NSMF: variants seen among roughly 807,000 people sequenced by gnomAD.
The protein encoded by NSMF is NMDA receptor synaptonuclear signaling and neuronal migration factor.
In NSMF, 31 loss-of-function variants were observed where a neutral mutation model predicts 71.0. The ratio of observed to expected loss-of-function variants is 0.44; its 90% CI spans 0.33 to 0.59. NSMF has a LOEUF of 0.59. Ranked by LOEUF, NSMF falls within the 20% of genes least tolerant of loss-of-function variation. NSMF has a pLI of 0.04. For synonymous variants in NSMF, 345 were observed against 287.1 expected (o/e 1.20, Z -2.04); for missense variants, 673 against 740.5 (o/e 0.91, Z 1.06).
rs564463059 is a variant in NSMF, at chr9:137,454,453, G to C, written c.780-10C>G. 1 of 1,550,188 alleles carries C rather than the reference G, an allele frequency of 6.5e-7. No homozygotes were observed. On this transcript the variant is annotated splice_polypyrimidine_tract_variant and intron_variant, in intron 6 of 15. Transcript: ENST00000371475. ...GTGTTTGCGGAAGTTCCTGGGGGAGGAAGCCAGGGGCTGAAGAGGGCCGTG... is the reference window on the plus strand; with the variant it reads ...GTGTTTGCGGAAGTTCCTGGGGGAGCAAGCCAGGGGCTGAAGAGGGCCGTG...
At position 137,453,506 on chromosome 9, in the gene NSMF, G is replaced by A. The variant is rs1231774832; in HGVS notation, c.922+225C>T. On this transcript the variant is annotated intron_variant, in intron 8 of 15. Transcript: ENST00000371475. This position sits in a 1 kb window ranked among gnomAD's most constrained non-coding sequence, Gnocchi z 4.5. Reference sequence around the variant, plus strand: ...CCCTGAGGGCCTCTTGCGAGTGGCGGTGGGCACGGCCCTACAGGCGCCCCC... The same window carrying A: ...CCCTGAGGGCCTCTTGCGAGTGGCGATGGGCACGGCCCTACAGGCGCCCCC... 28 of 599,808 alleles carry A rather than the reference G, an allele frequency of 4.7e-5. 1 individual carries two copies. Among genetic ancestry groups the A allele is most frequent in the South Asian group, 4.2e-4 (21 of 49,862 alleles). The allele number at this position is 599,808 out of a possible 1,614,324, so 37.2% of individuals were successfully genotyped here.
intron 2 of NSMF, among the ~76,000 whole-genome samples, 196 bp from the exon 3 acceptor site, chr9:137,458,097 G>A (rs924582741): frequency 1.3e-5 from 2 of 152,212 alleles, no homozygotes; most frequent in African/African-American, 4.8e-5. Flanking sequence ...TGTGCGTGGG[G>A]GCTGGGTGAC....
intron 5 of NSMF, 144 bp from the exon 6 acceptor site, chr9:137,455,451 G>C: frequency 1.7e-6 from 2 of 1,146,476 alleles, no homozygotes; most frequent in South Asian, 2.6e-5. Context: ...CTCACCTGTC[G>C]AGGCCCAGCT....
chr9:137,458,910 A>G, intron 1 of NSMF, 122 bp downstream of exon 1: 1 of 724,526 alleles, frequency 1.4e-6, no homozygotes, highest in South Asian at 2.6e-5. Context: ...GGGCGCGGGG[A>G]GGGCGCCTCA....
In NSMF at chr9:137,455,321, G is replaced by GC. The variant is rs1830777947; in HGVS notation, c.711-15dup. On this transcript the variant is annotated splice_polypyrimidine_tract_variant and intron_variant, in intron 5 of 15. Transcript: ENST00000371475. ...CCCCTGAACACCCTGGGAAACCACC[G>GC]CGAGTCAGCACTGCCCTTGGCCGGA... The GC allele has an allele frequency of 1.9e-6, 3 of 1,612,386 alleles. No homozygotes were observed. Among genetic ancestry groups the GC allele is most frequent in the African/African-American group, 2.7e-5 (2 of 74,932 alleles).
At chr9:137,453,000 G>A in intron 9 of NSMF, 56 bp downstream of exon 9, 18 of 1,608,518 alleles carry the variant, frequency 1.1e-5, no homozygotes, top group Non-Finnish European at 1.5e-5. Flanking sequence ...CTGGACTCGG[G>A]TTGGGGCGGA....
At chr9:137,449,515 C>T (rs758254401) in intron 15 of NSMF, 24 bp from the exon 16 acceptor site, 1 of 1,611,950 alleles carries the variant, frequency 6.2e-7, no homozygotes, top group Non-Finnish European at 8.5e-7. Context: ...GGGCAGGAGG[C>T]TCAGGCCTGG....
chr9:137,454,691 C>G (rs1200754601), intron 6 of NSMF: 9 of 1,520,124 alleles, frequency 5.9e-6, no homozygotes, highest in Middle Eastern at 3.4e-4. Context: ...TGGATCAAGT[C>G]TCCTCCCGAG....
chr9:137,458,613 C>T, intron 1 of NSMF, 64 bp from the exon 2 acceptor site: 1 of 1,475,562 alleles, frequency 6.8e-7, no homozygotes, highest in Non-Finnish European at 9.2e-7. Context: ...CCGGGCCGCG[C>T]AAGAGCCGGG....
intron 12 of NSMF, among the ~76,000 whole-genome samples, chr9:137,451,135 ACACGCCTCTTCCCCTTGTTCTGCCCTC>A (rs1830501414): frequency 4.8e-5 from 1 of 21,050 alleles, no homozygotes; most frequent in Middle Eastern, 0.02. Context: ...CTCCCGCGCC[ACACGCCTCTTCCCCTTGTTCTGCCCTC>A]CACGCCTCTT....
chr9:137,452,692 C>T (rs367942683), intron 10 of NSMF, 44 bp downstream of exon 10: 46 of 1,600,770 alleles, frequency 2.9e-5, no homozygotes, highest in Middle Eastern at 1.7e-4. Context: ...AGGGTGGGGC[C>T]GCAAGAGGGC....
In NSMF at chr9:137,452,833, G is replaced by T; in HGVS notation, c.1048-14C>A. ...GGAGGAAATGAGCTGCGGAGACAAA[G>T]AGCTGCTCAGGGGCCCCAGGCCCAT... On this transcript the variant is annotated splice_polypyrimidine_tract_variant and intron_variant, in intron 9 of 15. Coordinates refer to ENST00000371475, the MANE Select transcript of NSMF (RefSeq NM_001130969.3). 6.3e-7 allele frequency: 1 copy of T among 1,592,324 alleles called. No homozygotes were observed. The highest frequency in any genetic ancestry group is 8.5e-7 in the Non-Finnish European group (1 of 1,170,710).
Position 137,455,621 on chromosome 9 carries a change from G to A in NSMF, c.710+8C>T. On this transcript the variant is annotated splice_region_variant and intron_variant, in intron 5 of 15. Transcript: ENST00000371475. ...TGCCCTTAGGCACCAAGTCATACAG[G>A]TACTTACGAGATGCTGAAGCCAGGG... 2 of 1,550,352 alleles carry A rather than the reference G, an allele frequency of 1.3e-6. No homozygotes were observed. The highest frequency in any genetic ancestry group is 1.2e-5 in the South Asian group (1 of 84,068).
At position 137,457,819 on chromosome 9, in the gene NSMF, G is replaced by A; in HGVS notation, c.216C>T (p.Ser72=). Residue 72 remains serine (S), a synonymous_variant, in exon 3 of 16, where the codon TCC becomes TCT. Transcript: ENST00000371475. Reference sequence around the variant, plus strand: ...CCTCGTAGCAGCCGTTGGAGACGAGGGACAGGCGGCGCTTGTTCTGGGGGG... The same window carrying A: ...CCTCGTAGCAGCCGTTGGAGACGAGAGACAGGCGGCGCTTGTTCTGGGGGG... ...QPAPQNKRRL[S]LVSNGCYEGS... The A allele has an allele frequency of 1.9e-6, 3 of 1,557,372 alleles. No homozygotes were observed. The highest frequency in any genetic ancestry group is 2.6e-6 in the Non-Finnish European group (3 of 1,150,752).
chr9:137,459,145 C>G lies in NSMF; in HGVS notation c.-43G>C, dbSNP rs2132030565. 2.6e-6 allele frequency: 3 copies of G among 1,156,362 alleles called. No individual in the cohort carries two copies. The highest frequency in any genetic ancestry group is 3.2e-6 in the Non-Finnish European group (3 of 939,156). 71.6% of individuals were successfully genotyped at this position (1,156,362 alleles called of 1,614,324 possible). ...ATCCCCCGGGCCTCAGAGCGCGCCC[C>G]GCGCCCGCCGCCTCCGCCGGGGTAG... is the stretch of plus-strand genomic sequence containing the variant. On this transcript the variant is annotated 5_prime_UTR_variant, in exon 1 of 16. Transcript: ENST00000371475.
rs765152158 is a variant in NSMF at position 137,449,582 on chromosome 9, C to T, written c.1495+17G>A. On this transcript the variant is annotated intron_variant, in intron 15 of 15. Transcript: ENST00000371475. ...CCGCAGTGGCTGCAGAGCTTCGGCC[C>T]AGCCTGGGTAACTCACCTTGGGCTG... The T allele has an allele frequency of 1.2e-6, 2 of 1,611,998 alleles. No individual in the cohort carries two copies. Among genetic ancestry groups the T allele is most frequent in the Non-Finnish European group, 1.7e-6 (2 of 1,179,514 alleles).
In NSMF at chr9:137,459,331, A is replaced by G. The variant is rs28624979; in HGVS notation, c.-229T>C. ...GCCGCTCCCGGGAGAGCGCTGCCCG[A>G]ACCGAGGGCCGGCCCCGCCCATCGT... On this transcript the variant is annotated 5_prime_UTR_variant, in exon 1 of 16. Coordinates refer to ENST00000371475, the MANE Select transcript of NSMF (RefSeq NM_001130969.3). 161,639 of 165,956 alleles carry G rather than the reference A, an allele frequency of 0.97. 78,738 individuals are homozygous for G. Among genetic ancestry groups the G allele is most frequent in the East Asian group, 1 (5,285 of 5,286 alleles). The allele number at this position is 165,956 out of a possible 1,614,324, so 10.3% of individuals were successfully genotyped here. A position where few individuals can be genotyped will look rare whatever the true frequency, so the allele number is the denominator to read the frequency against.
rs1830639098 is a variant in NSMF at position 137,453,296 on chromosome 9, G to A, written c.923-116C>T. On this transcript the variant is annotated intron_variant, in intron 8 of 15. Coordinates refer to ENST00000371475, the MANE Select transcript of NSMF (RefSeq NM_001130969.3). This position sits in a 1 kb window ranked among gnomAD's most constrained non-coding sequence, Gnocchi z 4.5. ...ATCCCGGAGGGTCCTCCAAGCAAGT[G>A]GGAGGACCATACAGAGGTCGCCGCC... 5.1e-5 allele frequency: 74 copies of A among 1,460,128 alleles called. No homozygotes were observed. Among genetic ancestry groups the A allele is most frequent in the Non-Finnish European group, 6.9e-5 (74 of 1,069,816 alleles). The allele number at this position is 1,460,128 out of a possible 1,614,324, so 90.4% of individuals were successfully genotyped here.
chr9:137,455,106 G>C (rs1484872283), intron 6 of NSMF, 133 bp downstream of exon 6: 1 of 983,770 alleles, frequency 1.0e-6, no homozygotes, highest in Admixed American at 1.8e-5. Flanking sequence ...TGCCTGCCAC[G>C]TCCCCAGAGC....
Sources: allele counts gnomAD v4.1 joint callset (sites outside exome capture counted in the v4.1 genomes callset), GRCh38; gene constraint gnomAD v4.1.1; non-coding constraint Gnocchi (gnomAD v3.1); transcripts MANE v1.5; gene names NCBI Gene and HGNC (gene_info 2026-07-23, HGNC 2026-07-21).